The following PARD3B variants were observed in gnomAD, a reference collection of about 807,000 sequenced individuals.
The protein encoded by PARD3B is partitioning defective 3 homolog B.
In PARD3B, 103 loss-of-function variants were observed where a neutral mutation model predicts 130.2. The observed-to-expected ratio is 0.79, with a 90% CI of 0.67 to 0.93. The LOEUF is 0.93. Among genes scored for constraint, PARD3B ranks in the 40% least tolerant of loss-of-function variants. The pLI is 0.00. For missense variants in PARD3B, 1,609 were observed against 1,499.2 expected (o/e 1.07, Z -1.21); for synonymous variants, 583 against 553.2 (o/e 1.05, Z -0.76).
chr2:205,411,844 G>T (rs1303921107), intron 19 of PARD3B, among the ~76,000 whole-genome samples: 1 of 152,122 alleles, frequency 6.6e-6, no homozygotes. Context: ...AGTGTGGGGG[G>T]TGCTGGCTGC....
intron 22 of PARD3B, among the ~76,000 whole-genome samples, chr2:205,586,981 GAGTCTTTCTTCCAAGAGC>G (rs1235292658): frequency 6.6e-6 from 1 of 152,118 alleles, no homozygotes; most frequent in Non-Finnish European, 1.5e-5. Flanking sequence ...TGAATTTCTC[GAGTCTTTCTTCCAAGAGC>G]AAAGAGTCTC....
intron 1 of PARD3B, among the ~76,000 whole-genome samples, chr2:204,681,275 A>T (rs1461832401): frequency 6.6e-6 from 1 of 152,150 alleles, no homozygotes; most frequent in Non-Finnish European, 1.5e-5. Flanking sequence ...ATAGATTTTT[A>T]GATCTGGAAG....
intron 2 of PARD3B, among the ~76,000 whole-genome samples, chr2:204,736,516 A>G (rs1205045813): frequency 2.6e-5 from 4 of 152,232 alleles, no homozygotes; most frequent in South Asian, 4.1e-4. Context: ...TAGTGAGGAC[A>G]TACAGTTTTT....
intron 3 of PARD3B, among the ~76,000 whole-genome samples, chr2:204,987,192 A>C (rs1176557580): frequency 6.6e-6 from 1 of 152,226 alleles, no homozygotes; most frequent in Non-Finnish European, 1.5e-5. Flanking sequence ...AATACCCTAA[A>C]AGAAAAAAAT....
chr2:205,513,582 A>G (rs1227122589), intron 21 of PARD3B, among the ~76,000 whole-genome samples: 2 of 152,134 alleles, frequency 1.3e-5, no homozygotes, highest in African/African-American at 4.8e-5. Flanking sequence ...TCAATTAAGG[A>G]AAAGAATAGT....
At chr2:205,159,067 TG>T (rs1161422559) in intron 11 of PARD3B, among the ~76,000 whole-genome samples, 160 bp downstream of exon 11, 1 of 152,218 alleles carries the variant, frequency 6.6e-6, no homozygotes, top group African/African-American at 2.4e-5. Flanking sequence ...GGGAAATAAC[TG>T]GCTGCTGTTT....
intron 15 of PARD3B, among the ~76,000 whole-genome samples, chr2:205,236,110 T>G (rs1027293823): frequency 2.6e-5 from 4 of 152,188 alleles, no homozygotes; most frequent in African/African-American, 7.2e-5. Flanking sequence ...TGGACAAAGA[T>G]TTTGAAAGAT....
chr2:204,595,065 T>A (rs2033228610), intron 1 of PARD3B, among the ~76,000 whole-genome samples: 1 of 152,210 alleles, frequency 6.6e-6, no homozygotes, highest in Non-Finnish European at 1.5e-5. Flanking sequence ...TGTTGTTTTG[T>A]AGGGTACTCA....
chr2:205,574,965 C>T (rs1231224210), intron 22 of PARD3B, among the ~76,000 whole-genome samples: 2 of 151,570 alleles, frequency 1.3e-5, no homozygotes, highest in African/African-American at 2.4e-5. Context: ...AAAGGTTCAT[C>T]GTATCCTTTG....
chr2:205,264,258 T>G (rs1176396581), intron 16 of PARD3B, among the ~76,000 whole-genome samples: 1 of 151,084 alleles, frequency 6.6e-6, no homozygotes, highest in African/African-American at 2.4e-5. Context: ...GTCCACAAGA[T>G]TGCACAGATT....
intron 10 of PARD3B, among the ~76,000 whole-genome samples, chr2:205,150,701 A>C (rs902493491): frequency 5.9e-5 from 9 of 152,180 alleles, no homozygotes; most frequent in Non-Finnish European, 1.2e-4. Context: ...ATAGTGTCTT[A>C]CTGTCATTGT....
At position 204,614,194 on chromosome 2, in the gene PARD3B, C is replaced by A. The variant is rs890308080; in HGVS notation, c.120+68075C>A. On this transcript the variant is annotated intron_variant, in intron 1 of 22. Coordinates refer to ENST00000406610, the MANE Select transcript of PARD3B (RefSeq NM_001302769.2). ...TAATGCAAATCAAAAATACAAGCTA[C>A]ATATGCAATTTAAAAGTTTCTAGTA... is the stretch of plus-strand genomic sequence containing the variant. 1.1e-4 allele frequency among the ~76,000 whole-genome samples: 17 copies of A among 152,106 alleles called. 1 individual carries two copies.
chr2:205,416,710 A>G (rs2106074929), intron 19 of PARD3B, among the ~76,000 whole-genome samples: 1 of 152,286 alleles, frequency 6.6e-6, no homozygotes, highest in East Asian at 1.9e-4. Flanking sequence ...AGATTGATGC[A>G]TTAAAAAAAA....
At position 205,274,282 on chromosome 2, in the gene PARD3B, G is replaced by C. The variant is rs1360747500; in HGVS notation, c.2186-26248G>C. 6.6e-6 allele frequency among the ~76,000 whole-genome samples: 1 copy of C among 151,700 alleles called. No individual in the cohort carries two copies. The highest frequency in any genetic ancestry group is 1.9e-4 in the East Asian group (1 of 5,172). ...AACATGTTTACCTCCCTTCACTATA[G>C]CATATTGGTATTAGGATATACTATA... is the stretch of plus-strand genomic sequence containing the variant. On this transcript the variant is annotated intron_variant, in intron 16 of 22. Coordinates refer to ENST00000406610, the MANE Select transcript of PARD3B (RefSeq NM_001302769.2). The surrounding 1 kb of genome is among the most constrained non-coding windows in gnomAD (Gnocchi z 4.2).
chr2:204,817,599 G>A (rs934574856), intron 2 of PARD3B, among the ~76,000 whole-genome samples: 2 of 152,100 alleles, frequency 1.3e-5, no homozygotes, highest in African/African-American at 4.8e-5. Flanking sequence ...ATAGGTATGT[G>A]TTGAATAATA....
At chr2:204,978,076 A>G (rs1692348842) in intron 3 of PARD3B, among the ~76,000 whole-genome samples, 1 of 152,106 alleles carries the variant, frequency 6.6e-6, no homozygotes, top group Non-Finnish European at 1.5e-5. Flanking sequence ...TGATGGCTAC[A>G]TTCAAAAGGC....
intron 15 of PARD3B, among the ~76,000 whole-genome samples, chr2:205,202,273 T>A (rs2037037268): frequency 6.6e-6 from 1 of 152,198 alleles, no homozygotes; most frequent in African/African-American, 2.4e-5. Context: ...CAGATTCTGT[T>A]TAAAATTCAT....
intron 2 of PARD3B, among the ~76,000 whole-genome samples, chr2:204,891,333 G>A (rs2125689231): frequency 6.6e-6 from 1 of 152,186 alleles, no homozygotes; most frequent in South Asian, 2.1e-4. Flanking sequence ...GAGATGATAT[G>A]AACACAGATT....
intron 18 of PARD3B, among the ~76,000 whole-genome samples, chr2:205,329,803 C>G (rs2043050480): frequency 6.6e-6 from 1 of 151,928 alleles, no homozygotes; most frequent in Admixed American, 6.6e-5. Context: ...CCAGCCTGAC[C>G]AATGTGGCAA....
Sources: gnomAD v4.1 joint callset for allele counts (sites outside exome capture counted in the v4.1 genomes callset) on GRCh38, gnomAD v4.1.1 for gene constraint, Gnocchi (gnomAD v3.1) non-coding constraint, MANE v1.5 for transcripts, NCBI Gene and HGNC (gene_info 2026-07-23, HGNC 2026-07-21) for gene names.